XKR4: variants seen among roughly 807,000 people sequenced by gnomAD.
XKR4 encodes XK related 4.
A neutral mutation model predicts 53.9 loss-of-function variants in XKR4; 12 were observed. The observed-to-expected ratio is 0.22, with a 90% CI of 0.14 to 0.36. XKR4 has a LOEUF of 0.36. Among genes scored for constraint, XKR4 ranks in the 10% least tolerant of loss-of-function variants. The pLI, the probability that XKR4 is intolerant of heterozygous loss-of-function variation, is 1.00. For missense variants in XKR4, 799 were observed against 859.5 expected, an observed-to-expected ratio of 0.93 and a Z score of 0.88; for synonymous variants, 354 against 362.4, an observed-to-expected ratio of 0.98 and a Z score of 0.26.
At chr8:55,228,909 G>C (rs1249325529) in intron 1 of XKR4, among the ~76,000 whole-genome samples, 1 of 151,702 alleles carries the variant, frequency 6.6e-6, no homozygotes. Context: ...TATGATTCTG[G>C]ATTAGGGAAT....
chr8:55,462,881 C>T (rs945512380), intron 2 of XKR4, among the ~76,000 whole-genome samples: 2 of 152,028 alleles, frequency 1.3e-5, no homozygotes, highest in African/African-American at 2.4e-5. Context: ...ACAAAGAAGG[C>T]CATTACATAA....
chr8:55,102,312 C>T lies in XKR4; in HGVS notation c.-177C>T. ...GCGCGCCGCTAGCCCGGCCCAGCGC[C>T]CAGCCCGGCGGGCGGCGGGCGGCGG... is the stretch of plus-strand genomic sequence containing the variant. On this transcript the variant is annotated 5_prime_UTR_variant, in exon 1 of 3. Transcript: ENST00000327381. The surrounding 1 kb of genome is among the most constrained non-coding windows in gnomAD (Gnocchi z 5.1). The T allele has an allele frequency of 1.1e-6, 1 of 895,970 alleles. No individual in the cohort carries two copies. The highest frequency in any genetic ancestry group is 1.4e-6 in the Non-Finnish European group (1 of 736,962). The allele number at this position is 895,970 out of a possible 1,614,324, so 55.5% of individuals were successfully genotyped here.
intron 2 of XKR4, among the ~76,000 whole-genome samples, chr8:55,477,369 C>G (rs1806009941): frequency 6.6e-6 from 1 of 152,074 alleles, no homozygotes; most frequent in South Asian, 2.1e-4. Flanking sequence ...GGAAAACTAA[C>G]AAACAGAAAG....
At chr8:55,290,967 G>T (rs1157894805) in intron 1 of XKR4, among the ~76,000 whole-genome samples, 1 of 152,024 alleles carries the variant, frequency 6.6e-6, no homozygotes, top group Non-Finnish European at 1.5e-5. Context: ...AGATCTCAAA[G>T]ATTTTCTCCC....
At chr8:55,422,575 C>T (rs1280734889) in intron 2 of XKR4, among the ~76,000 whole-genome samples, 1 of 152,206 alleles carries the variant, frequency 6.6e-6, no homozygotes, top group Non-Finnish European at 1.5e-5. Context: ...AGCAAGTAGT[C>T]TACATCGAAT....
chr8:55,149,294 T>C (rs935261147), intron 1 of XKR4, among the ~76,000 whole-genome samples: 1 of 152,202 alleles, frequency 6.6e-6, no homozygotes, highest in African/African-American at 2.4e-5. Context: ...AGTTCTCTCT[T>C]TCAGTTGACT....
chr8:55,464,719 T>C (rs1443617272), intron 2 of XKR4, among the ~76,000 whole-genome samples: 1 of 152,150 alleles, frequency 6.6e-6, no homozygotes, highest in Non-Finnish European at 1.5e-5. Context: ...GATGACATGA[T>C]TGTATATTTA....
At chr8:55,314,104 A>C (rs964342964) in intron 1 of XKR4, among the ~76,000 whole-genome samples, 2 of 152,254 alleles carry the variant, frequency 1.3e-5, no homozygotes, top group Admixed American at 1.3e-4. Flanking sequence ...GGATTCATCC[A>C]GCACCAGATG....
intron 1 of XKR4, among the ~76,000 whole-genome samples, chr8:55,269,081 G>A (rs954559452): frequency 8.5e-5 from 13 of 152,106 alleles, no homozygotes; most frequent in African/African-American, 3.1e-4. Context: ...ACTGTGCGTG[G>A]TGCACAGTAG....
chr8:55,418,821 A>T (rs1356212633), intron 2 of XKR4, among the ~76,000 whole-genome samples: 2 of 151,528 alleles, frequency 1.3e-5, no homozygotes, highest in African/African-American at 2.4e-5. Flanking sequence ...GTGGCTTGAA[A>T]GTCGCCTTCT....
At chr8:55,466,030 C>G (rs552434111) in intron 2 of XKR4, among the ~76,000 whole-genome samples, 1 of 152,136 alleles carries the variant, frequency 6.6e-6, no homozygotes, top group Non-Finnish European at 1.5e-5. Context: ...CACTTTTCCA[C>G]TGTTGGTGGG....
At chr8:55,296,226 C>T (rs1367971631) in intron 1 of XKR4, among the ~76,000 whole-genome samples, 1 of 152,158 alleles carries the variant, frequency 6.6e-6, no homozygotes, top group Non-Finnish European at 1.5e-5. Context: ...GGGGCATATT[C>T]TTTCCTTTTA....
intron 1 of XKR4, among the ~76,000 whole-genome samples, chr8:55,273,143 TGTGTG>T (rs1818716375): frequency 4.5e-4 from 1 of 2,240 alleles, no homozygotes; most frequent in African/African-American, 8.8e-4. Flanking sequence ...AAAAGAGGAC[TGTGTG>T]TGTGTGTGTG....
At chr8:55,508,211 T>A (rs1158020136) in intron 2 of XKR4, among the ~76,000 whole-genome samples, 1 of 152,118 alleles carries the variant, frequency 6.6e-6, no homozygotes, top group Non-Finnish European at 1.5e-5. Context: ...GCACGTTGGA[T>A]TCTTAATGAT....
intron 2 of XKR4, among the ~76,000 whole-genome samples, chr8:55,512,104 A>G (rs1806635198): frequency 6.6e-6 from 1 of 152,216 alleles, no homozygotes; most frequent in Non-Finnish European, 1.5e-5. Context: ...GGTGAAGTCA[A>G]GTGACTCACC....
At chr8:55,387,071 C>T (rs555432575) in intron 2 of XKR4, among the ~76,000 whole-genome samples, 2 of 152,330 alleles carry the variant, frequency 1.3e-5, no homozygotes, top group South Asian at 2.1e-4. Flanking sequence ...CCCCAGTAAG[C>T]TTCCAGGTCC....
intron 2 of XKR4, chr8:55,450,776 G>A (rs978858525): frequency 3.7e-6 from 2 of 543,132 alleles, no homozygotes; most frequent in African/African-American, 3.9e-5. Flanking sequence ...CAGTAGAAGG[G>A]GTCTGAGAAC....
chr8:55,466,417 T>C (rs1452341587), intron 2 of XKR4, among the ~76,000 whole-genome samples: 1 of 151,764 alleles, frequency 6.6e-6, no homozygotes, highest in Non-Finnish European at 1.5e-5. Context: ...TTCTCACTCA[T>C]AGGTGGGAAT....
intron 1 of XKR4, among the ~76,000 whole-genome samples, chr8:55,352,195 G>A (rs1360075458): frequency 6.6e-6 from 1 of 152,242 alleles, no homozygotes; most frequent in East Asian, 1.9e-4. Context: ...CCCGGGTGGG[G>A]AGAGAGGCCA....
Sources: allele counts gnomAD v4.1 joint callset (sites outside exome capture counted in the v4.1 genomes callset), GRCh38; gene constraint gnomAD v4.1.1; non-coding constraint Gnocchi (gnomAD v3.1); transcripts MANE v1.5; gene names NCBI Gene and HGNC (gene_info 2026-07-23, HGNC 2026-07-21).